MAP3K7CL: variants seen among roughly 807,000 people sequenced by gnomAD.
MAP3K7CL encodes MAP3K7 C-terminal like, also known as MAP3K7 C-terminal-like protein.
In MAP3K7CL, 16 loss-of-function variants were observed where a neutral mutation model predicts 18.6. The observed-to-expected ratio is 0.86, with a 90% CI of 0.58 to 1.31. The LOEUF is 1.31. Ranked by LOEUF, MAP3K7CL falls within the 50% of genes most tolerant of loss-of-function variation. The pLI, the probability that MAP3K7CL is intolerant of heterozygous loss-of-function variation, is 0.00. For synonymous variants in MAP3K7CL, 65 were observed against 66.8 expected (o/e 0.97, Z 0.13); for missense variants, 163 against 174.4 (o/e 0.93, Z 0.37).
intron 4 of MAP3K7CL, among the ~76,000 whole-genome samples, chr21:29,103,223 C>T (rs1479914245): frequency 6.6e-6 from 1 of 152,202 alleles, no homozygotes; most frequent in Non-Finnish European, 1.5e-5. Flanking sequence ...TACAACAGCA[C>T]AGTTGAGTAA....
chr21:29,130,607 G>T, upstream of MAP3K7CL: 1 of 985,492 alleles, frequency 1.0e-6, no homozygotes, highest in Non-Finnish European at 1.2e-6. Flanking sequence ...CTGACAGGAG[G>T]AGGGTTTTCT....
chr21:29,117,752 T>G (rs2086526258), intron 4 of MAP3K7CL, among the ~76,000 whole-genome samples: 1 of 152,246 alleles, frequency 6.6e-6, no homozygotes, highest in Non-Finnish European at 1.5e-5. Flanking sequence ...TTGTCACTTT[T>G]TTGAATGTCC....
In MAP3K7CL at chr21:29,120,911, C is replaced by G. The variant is rs142035495; in HGVS notation, c.371-28278C>G. 7.3e-3 allele frequency among the ~76,000 whole-genome samples: 1,106 copies of G among 151,388 alleles called. 12 individuals carry two copies. Among genetic ancestry groups the G allele is most frequent in the African/African-American group, 0.025 (1,047 of 41,224 alleles). On this transcript the variant is annotated intron_variant, in intron 4 of 6. Coordinates refer to the MAP3K7CL transcript ENST00000286791. Reference sequence around the variant, plus strand: ...TGAAACCCCACTTCTACAAAAAATACAAAAATTAGCTAGGCATGGTGACAT... The same window carrying G: ...TGAAACCCCACTTCTACAAAAAATAGAAAAATTAGCTAGGCATGGTGACAT...
intron 1 of MAP3K7CL, among the ~76,000 whole-genome samples, chr21:29,090,182 G>A (rs2085998705): frequency 6.6e-6 from 1 of 151,998 alleles, no homozygotes; most frequent in African/African-American, 2.4e-5. Context: ...GCCTGCAGAG[G>A]GTGCACTTTC....
At chr21:29,089,168 C>CAAAAAAAAAAAAAAAA (rs748166183) in intron 1 of MAP3K7CL, among the ~76,000 whole-genome samples, 2 of 68,516 alleles carry the variant, frequency 2.9e-5, no homozygotes, top group African/African-American at 5.2e-5. Flanking sequence ...GACTCCGTCT[C>CAAAAAAAAAAAAAAAA]AAAAAAAAAA....
At chr21:29,087,092 T>G (rs1219690648) in intron 1 of MAP3K7CL, among the ~76,000 whole-genome samples, 3 of 152,222 alleles carry the variant, frequency 2.0e-5, no homozygotes, top group African/African-American at 7.2e-5. Flanking sequence ...TTTGTTCTTG[T>G]GACATGCCAC....
At chr21:29,086,619 T>G (rs1298399844) in intron 1 of MAP3K7CL, among the ~76,000 whole-genome samples, 2 of 152,180 alleles carry the variant, frequency 1.3e-5, no homozygotes, top group African/African-American at 4.8e-5. Flanking sequence ...TCATTGATAA[T>G]AAAGCTGATG....
intron 4 of MAP3K7CL, among the ~76,000 whole-genome samples, chr21:29,163,274 C>T (rs2087599082): frequency 6.6e-6 from 1 of 152,216 alleles, no homozygotes. Context: ...CAGAACTCAT[C>T]TTGTTTCCTT....
intron 4 of MAP3K7CL, among the ~76,000 whole-genome samples, chr21:29,122,579 C>T (rs2086612922): frequency 6.6e-6 from 1 of 152,180 alleles, no homozygotes; most frequent in African/African-American, 2.4e-5. Flanking sequence ...CCATCCACTG[C>T]CAAACTCTTC....
intron 4 of MAP3K7CL, among the ~76,000 whole-genome samples, chr21:29,099,805 C>T (rs946606638): frequency 2.6e-5 from 4 of 152,068 alleles, no homozygotes; most frequent in Admixed American, 2.6e-4. Flanking sequence ...AAAAAGGGGC[C>T]GGGCGCAGTG....
intron 4 of MAP3K7CL, among the ~76,000 whole-genome samples, chr21:29,102,053 T>C (rs766543582): frequency 1.6e-4 from 25 of 152,204 alleles, no homozygotes; most frequent in Non-Finnish European, 2.6e-4. Flanking sequence ...AGTACCAAGA[T>C]TGGGGCTAAA....
intron 4 of MAP3K7CL, among the ~76,000 whole-genome samples, chr21:29,165,605 T>C (rs1441491664): frequency 6.6e-6 from 1 of 152,238 alleles, no homozygotes; most frequent in Non-Finnish European, 1.5e-5. Flanking sequence ...ACAGTCTTGC[T>C]CAGTCTCCCA....
intron 1 of MAP3K7CL, among the ~76,000 whole-genome samples, chr21:29,087,825 C>T (rs1011312071): frequency 6.6e-6 from 1 of 152,078 alleles, no homozygotes; most frequent in South Asian, 2.1e-4. Flanking sequence ...GATCTCCTGA[C>T]CTCGTGATCC....
intron 1 of MAP3K7CL, among the ~76,000 whole-genome samples, chr21:29,088,142 A>G (rs1050658086): frequency 1.3e-5 from 2 of 152,228 alleles, no homozygotes; most frequent in Non-Finnish European, 2.9e-5. Context: ...AGAGCTGGAA[A>G]AACATTTCAC....
rs1282688100 is a variant in MAP3K7CL at position 29,174,734 on chromosome 21, G to A, written c.271G>A (p.Asp91Asn). ...QRKKELIAKL[D>N]QAEKEKVDAA... ...CAGGAAGGAGCTCATTGCCAAGTTA[G>A]ATCAGGCAGAAAAGGAGAAGGTGGA... Residue 91 changes from aspartate (D) to asparagine (N), a missense_variant, in exon 5 of 5, where the codon GAT becomes AAT. Transcript: ENST00000399928. 7.4e-6 allele frequency: 12 copies of A among 1,614,036 alleles called. No homozygotes were observed. Among genetic ancestry groups the A allele is most frequent in the Non-Finnish European group, 9.3e-6 (11 of 1,180,018 alleles).
chr21:29,114,289 G>T (rs369580623), intron 4 of MAP3K7CL, among the ~76,000 whole-genome samples: 1 of 151,506 alleles, frequency 6.6e-6, no homozygotes, highest in East Asian at 2.0e-4. Flanking sequence ...GGCTGGTCTC[G>T]AACTCTTGGT....
At chr21:29,119,534 T>C (rs1381847272) in intron 4 of MAP3K7CL, among the ~76,000 whole-genome samples, 1 of 152,236 alleles carries the variant, frequency 6.6e-6, no homozygotes, top group Non-Finnish European at 1.5e-5. Flanking sequence ...AGGGCCATTT[T>C]ACCCTGTGTG....
intron 4 of MAP3K7CL, among the ~76,000 whole-genome samples, chr21:29,112,687 A>C (rs2086439307): frequency 6.6e-6 from 1 of 151,284 alleles, no homozygotes; most frequent in Non-Finnish European, 1.5e-5. Flanking sequence ...ATCTTTCTTT[A>C]TGATTTTTGA....
At chr21:29,095,095 A>C (rs1233780932) in intron 4 of MAP3K7CL, among the ~76,000 whole-genome samples, 5 of 131,934 alleles carry the variant, frequency 3.8e-5, no homozygotes, top group Non-Finnish European at 6.4e-5. Context: ...GGAAGGGAGC[A>C]GAGGAGAGGG....
Sources: gnomAD v4.1 joint callset for allele counts (sites outside exome capture counted in the v4.1 genomes callset) on GRCh38, gnomAD v4.1.1 for gene constraint, MANE v1.5 for transcripts, NCBI Gene and HGNC (gene_info 2026-07-23, HGNC 2026-07-21) for gene names.